The following DNAH11 variants were observed in gnomAD, a reference collection of about 807,000 sequenced individuals.
DNAH11 encodes the protein axonemal beta dynein heavy chain 11.
DNAH11 carries 442 observed loss-of-function variants against 526.0 expected under a neutral mutation model. The observed-to-expected ratio is 0.84, with a 90% confidence interval of 0.78 to 0.91. The LOEUF is 0.91. Ranked by LOEUF, DNAH11 falls within the 40% of genes least tolerant of loss-of-function variation. DNAH11 has a pLI of 0.00. For synonymous variants in DNAH11, 2,461 were observed against 1,935.9 expected (o/e 1.27, Z -7.12); for missense variants, 6,989 against 5,448.7 (o/e 1.28, Z -8.90).
intron 75 of DNAH11, among the ~76,000 whole-genome samples, chr7:21,881,191 A>G (rs1158324697): frequency 1.3e-5 from 2 of 152,246 alleles, no homozygotes; most frequent in Non-Finnish European, 2.9e-5. Flanking sequence ...CGTATATGCC[A>G]GATTCATTAG....
At chr7:21,610,746 G>C (rs1785489574) in intron 20 of DNAH11, among the ~76,000 whole-genome samples, 1 of 152,068 alleles carries the variant, frequency 6.6e-6, no homozygotes, top group South Asian at 2.1e-4. Flanking sequence ...GGGTTAAAGA[G>C]CTCATTAAAA....
chr7:21,637,616 A>G lies in DNAH11; in HGVS notation c.4731A>G (p.Leu1577=). ...FDGVDAEFKE[L]MFKTAKVENV... ...CGTATTGTACTTTCATGCAGGAGTT[A>G]ATGTTCAAGACAGCCAAAGTAGAAA... The change falls in exon 27 of 82, where the codon TTA becomes TTG. Residue 1577 remains leucine, a synonymous_variant. Coordinates refer to ENST00000409508, the MANE Select transcript of DNAH11 (RefSeq NM_001277115.2). 6.3e-7 allele frequency: 1 copy of G among 1,580,000 alleles called. No homozygotes were observed. Among genetic ancestry groups the G allele is most frequent in the Non-Finnish European group, 8.6e-7 (1 of 1,160,482 alleles).
At chr7:21,789,808 T>TTTTTCTTTC (rs1788373733) in intron 61 of DNAH11, among the ~76,000 whole-genome samples, 1 of 34,084 alleles carries the variant, frequency 2.9e-5, no homozygotes, top group African/African-American at 7.9e-5. Flanking sequence ...TTTCTTTCTT[T>TTTTTCTTTC]TTTCTTTCTT....
At position 21,900,104 on chromosome 7, in the gene DNAH11, C is replaced by T. The variant is rs780416768; in HGVS notation, c.13287C>T (p.His4429=). The T allele has an allele frequency of 8.7e-6, 14 of 1,613,538 alleles. No individual in the cohort carries two copies. The highest frequency in any genetic ancestry group is 1.7e-4 in the Middle Eastern group (1 of 6,060). Residue 4429 remains histidine (H), a synonymous_variant, in exon 81 of 82, where the codon CAC becomes CAT. Transcript: ENST00000409508. ...CGCCAAGGGAAGGTGCATACCTCCA[C>T]GGACTCTTCATGGAGGGTAAGACAC... ...GHPPREGAYL[H]GLFMEGARWD...
intron 2 of DNAH11, among the ~76,000 whole-genome samples, chr7:21,550,524 C>A (rs545981412): frequency 3.3e-5 from 5 of 152,164 alleles, no homozygotes; most frequent in African/African-American, 1.2e-4. Flanking sequence ...CTGTTCTAAT[C>A]CTAAGGAGTG....
At chr7:21,836,506 C>T (rs1006654095) in intron 65 of DNAH11, among the ~76,000 whole-genome samples, 1 of 152,102 alleles carries the variant, frequency 6.6e-6, no homozygotes, top group Non-Finnish European at 1.5e-5. Context: ...AGAACAATCT[C>T]TTCAATAAAT....
chr7:21,854,515 C>A lies in DNAH11; in HGVS notation c.11202+60C>A, dbSNP rs11982264. On this transcript the variant is annotated intron_variant, in intron 68 of 81. Coordinates refer to ENST00000409508, the MANE Select transcript of DNAH11 (RefSeq NM_001277115.2). ...TTAGGAGTTCAATTTGTTTCTGGAACATTGGAATTTATTTTATTATTGATA... is the reference window on the plus strand; with the variant it reads ...TTAGGAGTTCAATTTGTTTCTGGAAAATTGGAATTTATTTTATTATTGATA... 103,633 of 1,486,148 alleles carry A rather than the reference C, an allele frequency of 0.07. 7,356 individuals carry two copies. The highest frequency in any genetic ancestry group is 0.33 in the African/African-American group (23,148 of 70,140). 92.1% of individuals were successfully genotyped at this position (1,486,148 alleles called of 1,614,324 possible).
At chr7:21,582,594 A>G (rs1429819602) in intron 9 of DNAH11, among the ~76,000 whole-genome samples, 1 of 152,212 alleles carries the variant, frequency 6.6e-6, no homozygotes, top group East Asian at 1.9e-4. Context: ...TTGTCACAGA[A>G]TTGATGAAAT....
In DNAH11 at chr7:21,697,955, C is replaced by G. The variant is rs141942398; in HGVS notation, c.6042-120C>G. On this transcript the variant is annotated intron_variant, in intron 35 of 81. Coordinates refer to ENST00000409508, the MANE Select transcript of DNAH11 (RefSeq NM_001277115.2). ...GGTCTTATTAGCTGTGATTGACAGA[C>G]ATAATTATGATCTGCTTAGGAATGG... 3.8e-5 allele frequency: 39 copies of G among 1,020,604 alleles called. No individual in the cohort carries two copies. In the East Asian group the frequency reaches 7.7e-4, roughly 20 times the overall value. 63.2% of individuals were successfully genotyped at this position (1,020,604 alleles called of 1,614,324 possible).
At chr7:21,814,348 TA>T (rs67380347) in intron 63 of DNAH11, among the ~76,000 whole-genome samples, 2,195 of 105,380 alleles carry the variant, frequency 0.021, 20 homozygotes, top group Non-Finnish European at 0.025. Flanking sequence ...TTTATTTATT[TA>T]TTTTTTTTTT....
At chr7:21,603,657 A>G (rs73682649) in intron 18 of DNAH11, among the ~76,000 whole-genome samples, 7,573 of 152,300 alleles carry the variant, frequency 0.05, 613 homozygotes, top group African/African-American at 0.17. Flanking sequence ...CAAGCCAGTT[A>G]GACATGGAGC....
intron 54 of DNAH11, among the ~76,000 whole-genome samples, chr7:21,755,626 G>A (rs920454490): frequency 2.2e-4 from 34 of 151,964 alleles, no homozygotes; most frequent in African/African-American, 8.2e-4. Context: ...AATATTGTCT[G>A]GAGATAACAT....
intron 40 of DNAH11, among the ~76,000 whole-genome samples, chr7:21,708,854 A>T (rs1395918368): frequency 6.6e-6 from 1 of 152,206 alleles, no homozygotes; most frequent in Non-Finnish European, 1.5e-5. Flanking sequence ...CTGATGGCAG[A>T]TCTAAAGTAG....
At chr7:21,861,708 G>A in intron 68 of DNAH11, 145 bp from the exon 69 acceptor site, 1 of 658,874 alleles carries the variant, frequency 1.5e-6, no homozygotes, top group Non-Finnish European at 2.5e-6. Flanking sequence ...CATGTACCAT[G>A]TGCCAGAAAC....
chr7:21,726,071 G>C, intron 45 of DNAH11, 87 bp downstream of exon 45: 1 of 1,310,752 alleles, frequency 7.6e-7, no homozygotes. Flanking sequence ...ATAAAGAAAA[G>C]AGGTTTAATT....
At chr7:21,679,241 G>A (rs905394115) in intron 30 of DNAH11, among the ~76,000 whole-genome samples, 1 of 152,114 alleles carries the variant, frequency 6.6e-6, no homozygotes, top group Non-Finnish European at 1.5e-5. Context: ...GGATAGGGAT[G>A]GGGGAAAACA....
At chr7:21,794,292 T>C (rs1309605378) in intron 61 of DNAH11, among the ~76,000 whole-genome samples, 1 of 152,212 alleles carries the variant, frequency 6.6e-6, no homozygotes, top group East Asian at 1.9e-4. Context: ...GGCTCCCTGT[T>C]TGCTGCTGTC....
chr7:21,875,757 C>T (rs1783680229), intron 74 of DNAH11, among the ~76,000 whole-genome samples: 1 of 152,092 alleles, frequency 6.6e-6, no homozygotes, highest in South Asian at 2.1e-4. Context: ...GTTAAGAACA[C>T]CTGTTCTGGT....
At chr7:21,562,447 G>A (rs57648913) in intron 5 of DNAH11, among the ~76,000 whole-genome samples, 17,156 of 152,114 alleles carry the variant, frequency 0.11, 1,224 homozygotes, top group East Asian at 0.21. Flanking sequence ...AGAAGCTGTT[G>A]GCATTTTTTT....
Sources: allele counts gnomAD v4.1 joint callset (sites outside exome capture counted in the v4.1 genomes callset), GRCh38; gene constraint gnomAD v4.1.1; transcripts MANE v1.5; gene names NCBI Gene and HGNC (gene_info 2026-07-23, HGNC 2026-07-21).